The following STOX2 variants were observed in gnomAD, a reference collection of about 807,000 sequenced individuals.
STOX2 encodes storkhead box 2, also known as storkhead-box protein 2.
STOX2 carries 28 observed loss-of-function variants against 60.9 expected under a neutral mutation model. The ratio of observed to expected loss-of-function variants is 0.46; its 90% CI spans 0.34 to 0.63. The LOEUF (loss-of-function observed/expected upper bound fraction) is 0.63. STOX2 is among the 30% of genes least tolerant of loss of function. The pLI is 0.01. For synonymous variants in STOX2, 472 were observed against 463.9 expected (o/e 1.02, Z -0.22); for missense variants, 1,024 against 1,187.7 (o/e 0.86, Z 2.03).
At chr4:183,842,261 A>G (rs958668791) in intron 1 of STOX2, among the ~76,000 whole-genome samples, 2 of 152,210 alleles carry the variant, frequency 1.3e-5, no homozygotes, top group African/African-American at 4.8e-5. Context: ...TCAGTTTACT[A>G]GTTCCATACG....
chr4:183,815,503 A>G (rs923244748), intron 1 of STOX2, among the ~76,000 whole-genome samples: 1 of 152,188 alleles, frequency 6.6e-6, no homozygotes, highest in Non-Finnish European at 1.5e-5. Context: ...TTATATCTCA[A>G]TTTAAAAATA....
At chr4:183,889,797 GGA>G (rs1020302433) in intron 1 of STOX2, among the ~76,000 whole-genome samples, 11 of 151,886 alleles carry the variant, frequency 7.2e-5, no homozygotes, top group Admixed American at 7.2e-4. Context: ...ATATATATGT[GGA>G]GAGAGAGAGA....
At chr4:183,940,607 G>C (rs1290556329) in intron 1 of STOX2, among the ~76,000 whole-genome samples, 15 of 152,080 alleles carry the variant, frequency 9.9e-5, no homozygotes. Flanking sequence ...ACACAGCACG[G>C]TCTAATTTGA....
At chr4:183,846,934 T>C (rs1740003356) in intron 1 of STOX2, among the ~76,000 whole-genome samples, 1 of 152,238 alleles carries the variant, frequency 6.6e-6, no homozygotes, top group African/African-American at 2.4e-5. Flanking sequence ...TTGTGGTTGC[T>C]GTTTCTTTGT....
At chr4:183,893,440 G>T (rs1363407305) in intron 1 of STOX2, among the ~76,000 whole-genome samples, 1 of 152,090 alleles carries the variant, frequency 6.6e-6, no homozygotes, top group African/African-American at 2.4e-5. Context: ...CGAAGCCGGT[G>T]GTCTCTTCAG....
chr4:184,009,013 A>C lies in STOX2; in HGVS notation c.320-145A>C, dbSNP rs1734008967. ...CCAAGAAGGCGAGGATTTGCACTGA[A>C]CTTAATGAACACCTTTGTCTGAATT... On this transcript the variant is annotated intron_variant, in intron 2 of 3. Transcript: ENST00000308497. The surrounding 1 kb of genome is among the most constrained non-coding windows in gnomAD (Gnocchi z 4.0). 1 of 648,934 alleles carries C rather than the reference A, an allele frequency of 1.5e-6. No homozygotes were observed. The highest frequency in any genetic ancestry group is 2.6e-6 in the Non-Finnish European group (1 of 384,144). 40.2% of individuals were successfully genotyped at this position (648,934 alleles called of 1,614,324 possible).
In STOX2 at chr4:183,942,343, T is replaced by C. The variant is rs540213487; in HGVS notation, c.166+35387T>C. ...TATGTGCCAGGCTTCTAGGTTTTTT[T>C]TTTTTTTTTTTAGACAAAACCAAGG... On this transcript the variant is annotated intron_variant, in intron 1 of 3. Transcript: ENST00000308497. Among the ~76,000 whole-genome samples the C allele has an allele frequency of 3.5e-3, 538 of 151,674 alleles. 1 individual carries two copies. Among genetic ancestry groups the C allele is most frequent in the African/African-American group, 0.012 (506 of 41,418 alleles).
chr4:183,985,904 C>T (rs1215091617), intron 1 of STOX2, among the ~76,000 whole-genome samples: 1 of 152,078 alleles, frequency 6.6e-6, no homozygotes, highest in Non-Finnish European at 1.5e-5. Context: ...CAGACCACGC[C>T]CGACAGGAAT....
chr4:183,813,154 G>A (rs187336353), intron 1 of STOX2, among the ~76,000 whole-genome samples: 2 of 152,062 alleles, frequency 1.3e-5, no homozygotes, highest in African/African-American at 4.8e-5. Flanking sequence ...GAAGCCGAGG[G>A]GGGCAGATCA....
At chr4:183,870,482 T>C (rs1296618056) in intron 1 of STOX2, among the ~76,000 whole-genome samples, 1 of 152,258 alleles carries the variant, frequency 6.6e-6, no homozygotes, top group Non-Finnish European at 1.5e-5. Flanking sequence ...GTTGGTTTTT[T>C]GTACTCTGAA....
rs749433016 is a variant in STOX2, at chr4:184,009,914, A to G, written c.1076A>G (p.Lys359Arg). 1 of 1,612,900 alleles carries G rather than the reference A, an allele frequency of 6.2e-7. No individual in the cohort carries two copies. Among genetic ancestry groups the G allele is most frequent in the Non-Finnish European group, 8.5e-7 (1 of 1,179,422 alleles). ...SSAHHSGRSKKSRTHRKSHGK... is the reference protein window; with the variant it reads ...SSAHHSGRSKRSRTHRKSHGK... ...GCCCATCACAGCGGAAGGAGTAAAA[A>G]GAGTAGGACTCATCGGAAGTCCCAT... Residue 359 changes from lysine (K) to arginine (R), a missense_variant, in exon 3 of 4, where the codon AAG (lysine) becomes AGG (arginine). By Grantham distance (26) the Lys-to-Arg change is conservative. Transcript: ENST00000308497. The surrounding 1 kb of genome is among the most constrained non-coding windows in gnomAD (Gnocchi z 4.0).
Position 183,867,866 on chromosome 4 carries a change from C to A in STOX2, c.364+69811C>A, listed in dbSNP as rs11946426. Among the ~76,000 whole-genome samples, 2 of 151,964 alleles carry A rather than the reference C, an allele frequency of 1.3e-5. 1 individual carries two copies. The highest frequency in any genetic ancestry group is 4.8e-5 in the African/African-American group (2 of 41,348). ...ACAGGAATGCAATTCACTACAAGTG[C>A]CAAGAGCTAGAATAGAGCACCGGTA... On this transcript the variant is annotated intron_variant, in intron 1 of 2. Coordinates refer to the STOX2 transcript ENST00000513034.
At chr4:183,818,352 C>T (rs559489740) in intron 1 of STOX2, among the ~76,000 whole-genome samples, 12 of 152,230 alleles carry the variant, frequency 7.9e-5, no homozygotes, top group African/African-American at 2.9e-4. Context: ...TCTTGCACCG[C>T]CCTTAATCCA....
At chr4:183,942,064 G>A (rs1400163899) in intron 1 of STOX2, among the ~76,000 whole-genome samples, 1 of 152,094 alleles carries the variant, frequency 6.6e-6, no homozygotes, top group Non-Finnish European at 1.5e-5. Context: ...TAAGTAATTA[G>A]CCTTCATGCC....
At chr4:183,922,499 C>T (rs1037744317) in intron 1 of STOX2, among the ~76,000 whole-genome samples, 1 of 152,034 alleles carries the variant, frequency 6.6e-6, no homozygotes, top group Non-Finnish European at 1.5e-5. Context: ...GCGCCCCCCA[C>T]CACGCCCGGC....
intron 1 of STOX2, among the ~76,000 whole-genome samples, chr4:183,833,757 C>T (rs527247004): frequency 2.6e-4 from 39 of 150,482 alleles, no homozygotes; most frequent in Non-Finnish European, 3.2e-4. Flanking sequence ...CCGAGGCGGG[C>T]GGATCACGAG....
chr4:183,915,638 C>T (rs1315752154), intron 1 of STOX2, among the ~76,000 whole-genome samples: 3 of 152,186 alleles, frequency 2.0e-5, no homozygotes, highest in African/African-American at 7.2e-5. Flanking sequence ...CCTAGATCCA[C>T]ATGACTGGTG....
intron 1 of STOX2, among the ~76,000 whole-genome samples, chr4:183,801,235 T>G (rs1738757283): frequency 6.6e-6 from 1 of 152,158 alleles, no homozygotes; most frequent in Non-Finnish European, 1.5e-5. Flanking sequence ...CCTACTAGAA[T>G]TTGCAAGTCC....
At chr4:183,937,518 G>T (rs1047116501) in intron 1 of STOX2, among the ~76,000 whole-genome samples, 1 of 152,140 alleles carries the variant, frequency 6.6e-6, no homozygotes, top group Non-Finnish European at 1.5e-5. Flanking sequence ...AGTGGGGTCG[G>T]CAGACAGGTC....
Sources: gnomAD v4.1 joint callset for allele counts (sites outside exome capture counted in the v4.1 genomes callset) on GRCh38, gnomAD v4.1.1 for gene constraint, Gnocchi (gnomAD v3.1) non-coding constraint, MANE v1.5 for transcripts, NCBI Gene and HGNC (gene_info 2026-07-23, HGNC 2026-07-21) for gene names.